Variants in TMOD2 observed in about 807,000 individuals in gnomAD.
The protein encoded by TMOD2 is tropomodulin-2.
A neutral mutation model predicts 39.9 loss-of-function variants in TMOD2; 22 were observed. That is an observed-to-expected ratio of 0.55 (90% CI 0.39 to 0.79). TMOD2 has a LOEUF of 0.79. Ranked by LOEUF, TMOD2 falls within the 30% of genes least tolerant of loss-of-function variation. The pLI, the probability that TMOD2 is intolerant of heterozygous loss-of-function variation, is 0.00. For missense variants in TMOD2, 386 were observed against 413.3 expected (o/e 0.93, Z 0.57); for synonymous variants, 123 against 146.1 (o/e 0.84, Z 1.14).
intron 5 of TMOD2, among the ~76,000 whole-genome samples, chr15:51,779,526 A>G (rs2055915066): frequency 6.6e-6 from 1 of 151,930 alleles, no homozygotes; most frequent in African/African-American, 2.4e-5. Context: ...GACTACAGGC[A>G]CCCACCACCA....
At chr15:51,803,178 T>C (rs1157148317) in intron 8 of TMOD2, among the ~76,000 whole-genome samples, 4 of 121,586 alleles carry the variant, frequency 3.3e-5, no homozygotes, top group Non-Finnish European at 7.3e-5. Context: ...CTTTTTTTTT[T>C]TTTTTTTTTT....
chr15:51,763,339 A>G (rs1471038630), intron 1 of TMOD2, among the ~76,000 whole-genome samples: 3 of 152,242 alleles, frequency 2.0e-5, no homozygotes, highest in Non-Finnish European at 4.4e-5. Context: ...TTAAAATCAT[A>G]TATCTCTCCT....
intron 1 of TMOD2, among the ~76,000 whole-genome samples, chr15:51,764,558 C>G (rs781374063): frequency 1.3e-5 from 2 of 152,130 alleles, no homozygotes; most frequent in African/African-American, 2.4e-5. Context: ...GATCACTCCC[C>G]TACTTTAAGA....
At chr15:51,801,227 TCTCTCTCTCTCA>T (rs1312430765) in intron 8 of TMOD2, among the ~76,000 whole-genome samples, 5 of 94,910 alleles carry the variant, frequency 5.3e-5, no homozygotes, top group African/African-American at 2.0e-4. Context: ...CCTCTCTCTC[TCTCTCTCTCTCA>T]CACACACACA....
In TMOD2 at chr15:51,780,963, G is replaced by T. The variant is rs900043286; in HGVS notation, c.494-81G>T. ...GTGTTATTGGAATCAGCATATGAAA[G>T]AAATGTCATTTTTTGGGAAGTCACC... On this transcript the variant is annotated intron_variant, in intron 5 of 9. Coordinates refer to ENST00000249700, the MANE Select transcript of TMOD2 (RefSeq NM_014548.4). The T allele has an allele frequency of 6.7e-6, 8 of 1,195,420 alleles. No homozygotes were observed. The Middle Eastern group carries it at 6.1e-4, about 91-fold the overall frequency. The allele number at this position is 1,195,420 out of a possible 1,614,324, so 74.1% of individuals were successfully genotyped here.
intron 6 of TMOD2, 70 bp downstream of exon 6, chr15:51,781,244 A>G (rs2055927857): frequency 1.4e-6 from 2 of 1,427,930 alleles, no homozygotes; most frequent in Non-Finnish European, 1.9e-6. Context: ...GAGATGACCT[A>G]TTGCTTGTTT....
intron 1 of TMOD2, among the ~76,000 whole-genome samples, chr15:51,763,512 T>TA (rs1383633568): frequency 2.6e-5 from 4 of 152,314 alleles, no homozygotes; most frequent in Admixed American, 2.0e-4. Context: ...AGTGGTAATT[T>TA]AAAAAATCTG....
rs772407580 is a variant in TMOD2, at chr15:51,808,411, C to T, written c.1022-9C>T. On this transcript the variant is annotated splice_polypyrimidine_tract_variant and intron_variant, in intron 9 of 9. Coordinates refer to ENST00000249700, the MANE Select transcript of TMOD2 (RefSeq NM_014548.4). Reference sequence around the variant, plus strand: ...AATTTGTCTTTTTGTTCCTTTCTTTCTTACCTAGTTCGTAAGAAGAGAGTT... The same window carrying T: ...AATTTGTCTTTTTGTTCCTTTCTTTTTTACCTAGTTCGTAAGAAGAGAGTT... 2 of 1,609,636 alleles carry T rather than the reference C, an allele frequency of 1.2e-6. No homozygotes were observed. The highest frequency in any genetic ancestry group is 1.7e-6 in the Non-Finnish European group (2 of 1,177,810).
chr15:51,788,239 T>C (rs1354289164), intron 7 of TMOD2, among the ~76,000 whole-genome samples: 3 of 152,110 alleles, frequency 2.0e-5, no homozygotes, highest in Non-Finnish European at 4.4e-5. Flanking sequence ...CAAGCTTCAA[T>C]AGCCGATTTG....
At chr15:51,756,723 GTTCCTCT>G (rs2055744501) in intron 1 of TMOD2, among the ~76,000 whole-genome samples, 2 of 152,170 alleles carry the variant, frequency 1.3e-5, no homozygotes, top group Non-Finnish European at 2.9e-5. Context: ...AGTAAGATCT[GTTCCTCT>G]TTCCTCTTTC....
intron 8 of TMOD2, among the ~76,000 whole-genome samples, chr15:51,801,227 T>TCACACA (rs1226187762): frequency 1.2e-4 from 11 of 94,942 alleles, no homozygotes; most frequent in African/African-American, 5.6e-4. Flanking sequence ...CCTCTCTCTC[T>TCACACA]CTCTCTCTCT....
chr15:51,777,100 G>T (rs2055894963), intron 5 of TMOD2, 82 bp downstream of exon 5: 1 of 1,164,108 alleles, frequency 8.6e-7, no homozygotes, highest in Non-Finnish European at 1.3e-6. Context: ...GTTGAGTCTT[G>T]CAGGCTTTAC....
At chr15:51,799,365 C>T (rs1325575018) in intron 8 of TMOD2, among the ~76,000 whole-genome samples, 4 of 152,166 alleles carry the variant, frequency 2.6e-5, no homozygotes, top group Non-Finnish European at 2.9e-5. Context: ...CTGATAAAGC[C>T]GCAGAGTGCC....
At chr15:51,794,553 CA>C in intron 7 of TMOD2, among the ~76,000 whole-genome samples, 1 of 151,610 alleles carries the variant, frequency 6.6e-6, no homozygotes, top group African/African-American at 2.4e-5. Flanking sequence ...GTTTCTACAC[CA>C]AAAAAGAAAA....
At chr15:51,768,485 C>T (rs549243942) in intron 3 of TMOD2, 67 bp downstream of exon 3, 1 of 1,449,608 alleles carries the variant, frequency 6.9e-7, no homozygotes, top group Non-Finnish European at 9.4e-7. Context: ...AACGGAGGCA[C>T]TCTTAATTAA....
intron 5 of TMOD2, 37 bp downstream of exon 5, chr15:51,777,055 T>G (rs1261038557): frequency 6.3e-7 from 1 of 1,585,314 alleles, no homozygotes; most frequent in Non-Finnish European, 8.7e-7. Context: ...TGTAAAGCTT[T>G]GGAGCCTCCA....
At chr15:51,794,414 TTGTC>T (rs1567245146) in intron 7 of TMOD2, among the ~76,000 whole-genome samples, 2 of 152,232 alleles carry the variant, frequency 1.3e-5, no homozygotes, top group African/African-American at 4.8e-5. Context: ...CTTCTGGTTG[TTGTC>T]TTTATGACTT....
At chr15:51,792,803 G>T (rs913227644) in intron 7 of TMOD2, among the ~76,000 whole-genome samples, 9 of 152,156 alleles carry the variant, frequency 5.9e-5, no homozygotes, top group Admixed American at 5.2e-4. Context: ...TCATAAGTGG[G>T]AGTTGAACAA....
intron 8 of TMOD2, among the ~76,000 whole-genome samples, chr15:51,801,190 C>G (rs2056084609): frequency 7.2e-6 from 1 of 139,484 alleles, no homozygotes; most frequent in South Asian, 2.6e-4. Flanking sequence ...GACAACAGAC[C>G]TAGACCCTGT....
Sources: allele counts gnomAD v4.1 joint callset (sites outside exome capture counted in the v4.1 genomes callset), GRCh38; gene constraint gnomAD v4.1.1; transcripts MANE v1.5; gene names NCBI Gene and HGNC (gene_info 2026-07-23, HGNC 2026-07-21).